FAM168A: variants seen among roughly 807,000 people sequenced by gnomAD.
The protein encoded by FAM168A is protein FAM168A.
In FAM168A, 3 loss-of-function variants were observed where a neutral mutation model predicts 28.5. The ratio of observed to expected loss-of-function variants is 0.11; its 90% CI spans 0.05 to 0.27. The LOEUF is 0.27. Among genes scored for constraint, FAM168A ranks in the 10% least tolerant of loss-of-function variants. The probability of loss-of-function intolerance (pLI) is 1.00; values close to 1 mark genes in which losing one functional copy is unlikely to be tolerated. For missense variants in FAM168A, 222 were observed against 311.5 expected, an observed-to-expected ratio of 0.71 and a Z score of 2.16; for synonymous variants, 122 against 124.2, an observed-to-expected ratio of 0.98 and a Z score of 0.12.
chr11:73,552,296 C>T (rs966860027), intron 1 of FAM168A, among the ~76,000 whole-genome samples: 4 of 152,040 alleles, frequency 2.6e-5, no homozygotes, highest in East Asian at 1.9e-4. Context: ...GTGGGGAAGA[C>T]GAAAGAAAAT....
At chr11:73,418,217 G>A (rs1866729172) in intron 4 of FAM168A, among the ~76,000 whole-genome samples, 1 of 152,208 alleles carries the variant, frequency 6.6e-6, no homozygotes, top group Admixed American at 6.5e-5. Context: ...ATGCTGAAAT[G>A]TAACCTCCAG....
At chr11:73,413,322 T>G (rs1866646292) in intron 4 of FAM168A, among the ~76,000 whole-genome samples, 1 of 152,078 alleles carries the variant, frequency 6.6e-6, no homozygotes, top group African/African-American at 2.4e-5. Flanking sequence ...TAAGTAACAA[T>G]GAGGATAGAA....
At chr11:73,529,793 C>CTTTTTTT (rs1490425842) in intron 1 of FAM168A, among the ~76,000 whole-genome samples, 7 of 116,990 alleles carry the variant, frequency 6.0e-5, no homozygotes, top group South Asian at 4.6e-4. Flanking sequence ...ACAACTTTTT[C>CTTTTTTT]TTCTTTTTTT....
intron 4 of FAM168A, chr11:73,412,449 T>C (rs1866629906): frequency 6.6e-6 from 1 of 152,208 alleles, no homozygotes; most frequent in South Asian, 2.1e-4. Context: ...AAATAAACTG[T>C]GCTGCCTTTT....
At chr11:73,477,453 GACA>G (rs1229139443) in intron 1 of FAM168A, among the ~76,000 whole-genome samples, 2 of 151,298 alleles carry the variant, frequency 1.3e-5, no homozygotes, top group South Asian at 2.1e-4. Flanking sequence ...ATTTGATTAA[GACA>G]ACAACAACAA....
chr11:73,509,898 C>T (rs1194053521), intron 1 of FAM168A, among the ~76,000 whole-genome samples: 1 of 152,148 alleles, frequency 6.6e-6, no homozygotes, highest in Non-Finnish European at 1.5e-5. Flanking sequence ...GGGAGGCTTT[C>T]CCTAAAAAGC....
At chr11:73,467,854 T>C (rs1273444029) in intron 2 of FAM168A, among the ~76,000 whole-genome samples, 1 of 152,176 alleles carries the variant, frequency 6.6e-6, no homozygotes, top group Admixed American at 6.5e-5. Flanking sequence ...AATATACAAA[T>C]ACAAATTCAA....
intron 1 of FAM168A, among the ~76,000 whole-genome samples, chr11:73,551,886 T>G (rs1943833951): frequency 6.6e-6 from 1 of 152,250 alleles, no homozygotes; most frequent in African/African-American, 2.4e-5. Context: ...CCATGTGCTA[T>G]CAGCAGCAGC....
chr11:73,460,660 T>C (rs1311759269), intron 2 of FAM168A, among the ~76,000 whole-genome samples: 3 of 152,040 alleles, frequency 2.0e-5, no homozygotes, highest in Non-Finnish European at 2.9e-5. Context: ...TGTGCCACCA[T>C]GCCTGGCTAA....
At chr11:73,519,507 G>T (rs939793965) in intron 1 of FAM168A, among the ~76,000 whole-genome samples, 1 of 152,152 alleles carries the variant, frequency 6.6e-6, no homozygotes, top group African/African-American at 2.4e-5. Context: ...ACATGTAACA[G>T]AAGCTTATAA....
At chr11:73,479,635 T>C (rs1867941037) in intron 1 of FAM168A, among the ~76,000 whole-genome samples, 1 of 152,192 alleles carries the variant, frequency 6.6e-6, no homozygotes, top group Non-Finnish European at 1.5e-5. Flanking sequence ...TGGCTACAGG[T>C]AATTTTATGA....
intron 1 of FAM168A, among the ~76,000 whole-genome samples, chr11:73,473,758 C>T (rs1867847862): frequency 6.6e-6 from 1 of 151,990 alleles, no homozygotes; most frequent in Non-Finnish European, 1.5e-5. Context: ...CTTCCTTAAC[C>T]AACTTATCTA....
chr11:73,459,027 G>A lies in FAM168A; in HGVS notation c.70+9378C>T, dbSNP rs140161570. ...TGTATTATTATATGCGGTTTTGTGA[G>A]CCTTTGTTCTCACATGCTTCAGAGA... On this transcript the variant is annotated intron_variant, in intron 2 of 7. Coordinates refer to ENST00000356467, the MANE Select transcript of FAM168A (RefSeq NM_015159.3). Among the ~76,000 whole-genome samples the A allele has an allele frequency of 2.0e-3, 300 of 152,276 alleles. 4 individuals carry two copies. The highest frequency in any genetic ancestry group is 6.6e-3 in the African/African-American group (274 of 41,554).
intron 1 of FAM168A, among the ~76,000 whole-genome samples, chr11:73,518,418 A>C (rs1943332563): frequency 6.6e-6 from 1 of 151,984 alleles, no homozygotes; most frequent in Non-Finnish European, 1.5e-5. Flanking sequence ...TAAAAATTAA[A>C]ATATTTTCAT....
chr11:73,593,901 T>G (rs1231404647), intron 1 of FAM168A, among the ~76,000 whole-genome samples: 1 of 152,204 alleles, frequency 6.6e-6, no homozygotes, highest in Admixed American at 6.5e-5. Flanking sequence ...TAGCATTCAT[T>G]TTGCCTCACT....
intron 1 of FAM168A, among the ~76,000 whole-genome samples, chr11:73,512,681 T>C (rs1855247900): frequency 6.6e-6 from 1 of 152,056 alleles, no homozygotes; most frequent in Non-Finnish European, 1.5e-5. Flanking sequence ...CCTTAAAATC[T>C]GTGCTTTTAA....
At chr11:73,433,885 C>T (rs974637291) in intron 2 of FAM168A, among the ~76,000 whole-genome samples, 2 of 125,760 alleles carry the variant, frequency 1.6e-5, no homozygotes, top group East Asian at 5.1e-4. Context: ...TTCACTCTGT[C>T]GCCAGGCTGG....
chr11:73,433,845 T>C (rs1156543197), intron 2 of FAM168A, among the ~76,000 whole-genome samples: 2 of 141,434 alleles, frequency 1.4e-5, no homozygotes, highest in African/African-American at 5.3e-5. Flanking sequence ...AGGCCCTTTT[T>C]TTTTTTTTTT....
chr11:73,545,620 AC>A (rs1943738661), intron 1 of FAM168A, among the ~76,000 whole-genome samples: 1 of 151,912 alleles, frequency 6.6e-6, no homozygotes, highest in African/African-American at 2.4e-5. Flanking sequence ...AAGCTCTTTA[AC>A]TTTTAAAATA....
Sources: gnomAD v4.1 joint callset for allele counts (sites outside exome capture counted in the v4.1 genomes callset) on GRCh38, gnomAD v4.1.1 for gene constraint, MANE v1.5 for transcripts, NCBI Gene and HGNC (gene_info 2026-07-23, HGNC 2026-07-21) for gene names.